The following DIP2B variants were observed in gnomAD, a reference collection of about 807,000 sequenced individuals.
DIP2B encodes DIP2 acetate--CoA ligase B (putative).
Under a neutral mutation model 198.0 loss-of-function variants are expected in DIP2B, and 76 were observed. The observed-to-expected ratio is 0.38, with a 90% CI of 0.32 to 0.46. The LOEUF is 0.46. Among genes scored for constraint, DIP2B ranks in the 20% least tolerant of loss-of-function variants. DIP2B has a pLI of 0.99. For missense variants in DIP2B, 1,559 were observed against 1,978.4 expected (o/e 0.79, Z 4.02); for synonymous variants, 701 against 739.1 (o/e 0.95, Z 0.84).
intron 1 of DIP2B, among the ~76,000 whole-genome samples, chr12:50,531,725 T>A (rs1179049521): frequency 6.6e-6 from 1 of 152,170 alleles, no homozygotes; most frequent in Admixed American, 6.6e-5. Context: ...AGCCTGGCCG[T>A]GTGAGGTGGA....
At chr12:50,608,586 A>G (rs1035436065) in intron 1 of DIP2B, among the ~76,000 whole-genome samples, 6 of 151,358 alleles carry the variant, frequency 4.0e-5, no homozygotes, top group African/African-American at 9.7e-5. Flanking sequence ...AGTTCGTGCC[A>G]CTACACTTCA....
intron 25 of DIP2B, among the ~76,000 whole-genome samples, chr12:50,719,451 T>C (rs1193114535): frequency 6.6e-6 from 1 of 152,250 alleles, no homozygotes; most frequent in Non-Finnish European, 1.5e-5. Flanking sequence ...TTCTGGTACA[T>C]AGTTAAATGA....
At chr12:50,522,761 C>T (rs1431429363) in intron 1 of DIP2B, among the ~76,000 whole-genome samples, 2 of 151,896 alleles carry the variant, frequency 1.3e-5, no homozygotes, top group African/African-American at 4.8e-5. Flanking sequence ...AAGTAAGAAT[C>T]CAGAAGAAAC....
intron 1 of DIP2B, among the ~76,000 whole-genome samples, chr12:50,509,218 G>A (rs1275331980): frequency 2.0e-5 from 3 of 152,176 alleles, no homozygotes; most frequent in Admixed American, 6.6e-5. Context: ...TACAGAGGCT[G>A]CCTTCTAAGA....
chr12:50,667,009 T>C (rs1042412816), intron 4 of DIP2B, among the ~76,000 whole-genome samples: 6 of 152,176 alleles, frequency 3.9e-5, no homozygotes, highest in African/African-American at 4.8e-5. Flanking sequence ...GCTGAGACTA[T>C]AGGCACACAC....
intron 2 of DIP2B, among the ~76,000 whole-genome samples, chr12:50,637,094 T>C (rs1593675928): frequency 6.6e-6 from 1 of 152,062 alleles, no homozygotes; most frequent in South Asian, 2.1e-4. Context: ...GGGGTGGGAG[T>C]GAGGGCCCTA....
chr12:50,698,938 C>A, intron 18 of DIP2B, 128 bp from the exon 19 acceptor site: 1 of 988,578 alleles, frequency 1.0e-6, no homozygotes, highest in South Asian at 1.7e-5. Context: ...TTTAGCATTC[C>A]TGTCTGGTAT....
chr12:50,582,323 T>C (rs141485635), intron 1 of DIP2B, among the ~76,000 whole-genome samples: 4 of 151,926 alleles, frequency 2.6e-5, no homozygotes, highest in African/African-American at 7.3e-5. Flanking sequence ...GCTAATTTTG[T>C]ATTTTTAGTA....
At chr12:50,518,689 A>G (rs1958088068) in intron 1 of DIP2B, among the ~76,000 whole-genome samples, 1 of 152,168 alleles carries the variant, frequency 6.6e-6, no homozygotes, top group Non-Finnish European at 1.5e-5. Flanking sequence ...TTTCAGCAGA[A>G]TTCTCCTGCA....
At chr12:50,512,478 C>A (rs186514308) in intron 1 of DIP2B, among the ~76,000 whole-genome samples, 2 of 152,098 alleles carry the variant, frequency 1.3e-5, no homozygotes, top group African/African-American at 4.8e-5. Context: ...CTATTTATTT[C>A]TTATATTGTT....
chr12:50,567,808 A>G (rs1958579171), intron 1 of DIP2B, among the ~76,000 whole-genome samples: 1 of 152,182 alleles, frequency 6.6e-6, no homozygotes, highest in South Asian at 2.1e-4. Flanking sequence ...GACTACAGGC[A>G]TGAGCCATCG....
At chr12:50,590,745 A>AT (rs1192888778) in intron 1 of DIP2B, among the ~76,000 whole-genome samples, 1 of 152,216 alleles carries the variant, frequency 6.6e-6, no homozygotes, top group Non-Finnish European at 1.5e-5. Flanking sequence ...AAGCATGTTT[A>AT]AAAACAAACA....
chr12:50,544,335 G>T (rs1958356242), intron 1 of DIP2B, among the ~76,000 whole-genome samples: 1 of 152,084 alleles, frequency 6.6e-6, no homozygotes, highest in East Asian at 1.9e-4. Context: ...TTTCTATTCA[G>T]ATATTCCGTC....
At chr12:50,689,898 AAG>A (rs1246544686) in intron 12 of DIP2B, among the ~76,000 whole-genome samples, 1 of 152,108 alleles carries the variant, frequency 6.6e-6, no homozygotes, top group African/African-American at 2.4e-5. Context: ...AACATCAAGA[AAG>A]AGAGTAGTCA....
intron 1 of DIP2B, among the ~76,000 whole-genome samples, chr12:50,542,488 T>C (rs1322801280): frequency 6.6e-6 from 1 of 152,164 alleles, no homozygotes; most frequent in Non-Finnish European, 1.5e-5. Flanking sequence ...AGACCTGTGC[T>C]ATATAGAGTA....
intron 4 of DIP2B, 144 bp from the exon 5 acceptor site, chr12:50,671,042 C>A: frequency 1.3e-6 from 1 of 764,218 alleles, no homozygotes; most frequent in Non-Finnish European, 2.0e-6. Flanking sequence ...CCTTGAGATT[C>A]TTGAGAAACT....
chr12:50,700,689 C>T (rs1939401980), intron 19 of DIP2B, among the ~76,000 whole-genome samples: 1 of 152,150 alleles, frequency 6.6e-6, no homozygotes. Context: ...ATGTCTTTCT[C>T]ATAACTATTA....
rs1421922496 is a variant in DIP2B, at chr12:50,505,127, C to T, written c.-14C>T. Reference sequence around the variant, plus strand: ...CCCTCTCTTGTCTTCCGGAGTGTGGCTGGCGGAGCTGGGATGGCGGAACGA... The same window carrying T: ...CCCTCTCTTGTCTTCCGGAGTGTGGTTGGCGGAGCTGGGATGGCGGAACGA... On this transcript the variant is annotated 5_prime_UTR_variant, in exon 1 of 38. Transcript: ENST00000301180. 27 of 1,530,148 alleles carry T rather than the reference C, an allele frequency of 1.8e-5. No individual in the cohort carries two copies. Among genetic ancestry groups the T allele is most frequent in the Non-Finnish European group, 2.4e-5 (27 of 1,143,278 alleles). The allele number at this position is 1,530,148 out of a possible 1,614,324, so 94.8% of individuals were successfully genotyped here.
chr12:50,523,969 T>C (rs1231604810), intron 1 of DIP2B, among the ~76,000 whole-genome samples: 1 of 152,176 alleles, frequency 6.6e-6, no homozygotes, highest in Non-Finnish European at 1.5e-5. Context: ...GTGCCCTCTA[T>C]GGACAGGCAA....
Sources: allele counts gnomAD v4.1 joint callset (sites outside exome capture counted in the v4.1 genomes callset), GRCh38; gene constraint gnomAD v4.1.1; transcripts MANE v1.5; gene names NCBI Gene and HGNC (gene_info 2026-07-23, HGNC 2026-07-21).